Variants in TET2 observed in about 807,000 individuals in gnomAD.
The protein encoded by TET2 is tet methylcytosine dioxygenase 2.
Under a neutral mutation model 142.9 loss-of-function variants are expected in TET2, and 299 were observed. The observed-to-expected ratio is 2.09, with a 90% CI of 1.90 to 2.30. The LOEUF (loss-of-function observed/expected upper bound fraction) is 2.30, where lower values mean the gene tolerates loss of function less well. Among genes scored for constraint, TET2 ranks in the 30% most tolerant of loss-of-function variants. TET2 has a pLI of 0.00. For synonymous variants in TET2, 819 were observed against 849.0 expected, an observed-to-expected ratio of 0.96 and a Z score of 0.61; for missense variants, 2,418 against 2,378.0, an observed-to-expected ratio of 1.02 and a Z score of -0.35.
intron 1 of TET2, among the ~76,000 whole-genome samples, chr4:105,186,457 CT>C (rs1224155076): frequency 6.8e-6 from 1 of 146,110 alleles, no homozygotes; most frequent in East Asian, 2.0e-4. Context: ...TATAAGCTGA[CT>C]GTATTTTGCA....
At position 105,236,258 on chromosome 4, in the gene TET2, A is replaced by G; in HGVS notation, c.2316A>G (p.Glu772=). ...HPQSNNDQQR[E]GSFFGQTKVE... Reference sequence around the variant, plus strand: ...AAAGCAACAATGATCAGCAAAGAGAAGGATCATTCTTTGGCCAGACTAAAG... The same window carrying G: ...AAAGCAACAATGATCAGCAAAGAGAGGGATCATTCTTTGGCCAGACTAAAG... The change falls in exon 3 of 11, where the codon GAA becomes GAG. Residue 772 remains glutamate, a synonymous_variant. Coordinates refer to ENST00000380013, the MANE Select transcript of TET2 (RefSeq NM_001127208.3). 1.2e-6 allele frequency: 2 copies of G among 1,614,148 alleles called. No homozygotes were observed. Among genetic ancestry groups the G allele is most frequent in the Non-Finnish European group, 1.7e-6 (2 of 1,180,026 alleles).
In TET2 at chr4:105,222,164, G is replaced by A. The variant is rs551943999; in HGVS notation, c.-46-11733G>A. The stretch of plus-strand genomic sequence containing the variant: ...AGTCTTTGCTATTGTGAATAGTGCC[G>A]CAATAAACATACGTGTGCATGTGTC... On this transcript the variant is annotated intron_variant, in intron 2 of 10. Transcript: ENST00000380013. Among the ~76,000 whole-genome samples, 497 of 152,012 alleles carry A rather than the reference G, an allele frequency of 3.3e-3. 2 individuals are homozygous for A. Among genetic ancestry groups the A allele is most frequent in the African/African-American group, 0.011 (454 of 41,414 alleles).
chr4:105,246,402 A>G (rs1465075788), intron 6 of TET2, among the ~76,000 whole-genome samples: 1 of 152,270 alleles, frequency 6.6e-6, no homozygotes, highest in Non-Finnish European at 1.5e-5. Flanking sequence ...ATACAAAACT[A>G]TTAAAAGACA....
At chr4:105,160,533 A>G (rs1456814862) in intron 1 of TET2, among the ~76,000 whole-genome samples, 3 of 152,214 alleles carry the variant, frequency 2.0e-5, no homozygotes, top group Non-Finnish European at 1.5e-5. Flanking sequence ...TTCTTGCCTA[A>G]CAAAGAATTG....
rs923235400 is a variant in TET2, at chr4:105,273,187, CTCT to C, written c.4537+271_4537+273del. Among the ~76,000 whole-genome samples, 15 of 152,250 alleles carry C rather than the reference CTCT, an allele frequency of 9.9e-5. No homozygotes were observed. The East Asian group carries it at 1.9e-3, about 20-fold the overall frequency. On this transcript the variant is annotated intron_variant, in intron 10 of 10. Coordinates refer to ENST00000380013, the MANE Select transcript of TET2 (RefSeq NM_001127208.3). ...CACTCCCCCACCATGTGTCCATGTGCTCTTATTGTAAAATGAACATTGTTAATT... is the reference window on the plus strand; with the variant it reads ...CACTCCCCCACCATGTGTCCATGTGCTATTGTAAAATGAACATTGTTAATT...
chr4:105,240,317 G>T, intron 3 of TET2: 3 of 1,055,802 alleles, frequency 2.8e-6, no homozygotes, highest in Non-Finnish European at 3.5e-6. Flanking sequence ...AACGAGGTAT[G>T]CCTGTATTTT....
intron 2 of TET2, among the ~76,000 whole-genome samples, chr4:105,219,067 A>C (rs1202483560): frequency 6.6e-6 from 1 of 152,040 alleles, no homozygotes; most frequent in Non-Finnish European, 1.5e-5. Flanking sequence ...TTCTTCTGAT[A>C]GACTGGTTAT....
intron 8 of TET2, among the ~76,000 whole-genome samples, chr4:105,267,817 A>G (rs986450933): frequency 4.6e-5 from 7 of 152,044 alleles, no homozygotes; most frequent in African/African-American, 9.7e-5. Flanking sequence ...AATTAAAAAG[A>G]TATTTTTAAC....
chr4:105,248,224 A>G (rs1337407359), intron 6 of TET2, among the ~76,000 whole-genome samples: 1 of 152,162 alleles, frequency 6.6e-6, no homozygotes, highest in Non-Finnish European at 1.5e-5. Flanking sequence ...AACTTTCACC[A>G]GATAGTTTCA....
intron 1 of TET2, among the ~76,000 whole-genome samples, chr4:105,160,815 C>T (rs1055173445): frequency 6.6e-6 from 1 of 152,236 alleles, no homozygotes. Flanking sequence ...CTCCCTCTGT[C>T]GCCCAGGCTG....
chr4:105,192,110 G>A (rs1725826232), intron 2 of TET2, among the ~76,000 whole-genome samples: 1 of 151,868 alleles, frequency 6.6e-6, no homozygotes, highest in South Asian at 2.1e-4. Context: ...CCTTAATGAA[G>A]TCATAACATT....
At chr4:105,161,244 AT>A (rs372450595) in intron 1 of TET2, among the ~76,000 whole-genome samples, 1 of 152,158 alleles carries the variant, frequency 6.6e-6, no homozygotes, top group Non-Finnish European at 1.5e-5. Context: ...AAGGATAGAT[AT>A]TTTTTCATTC....
chr4:105,236,588 C>A lies in TET2; in HGVS notation c.2646C>A (p.Cys882Ter), dbSNP rs1728933295. Residue 882 changes from cysteine (C) to a stop codon, truncating the protein, a stop_gained, in exon 3 of 11, where the codon TGC becomes TGA. Coordinates refer to ENST00000380013, the MANE Select transcript of TET2 (RefSeq NM_001127208.3). LOFTEE classifies it high-confidence loss of function. ...CAAAGCAAGATCTTCTTCACAGGTG[C>A]TTTCAAGAACAGGAGCAGAAGTCAC... ...VIPKQDLLHR[C>*]FQEQEQKSQQ... The A allele has an allele frequency of 1.2e-6, 2 of 1,614,102 alleles. No individual in the cohort carries two copies. Among genetic ancestry groups the A allele is most frequent in the Non-Finnish European group, 1.7e-6 (2 of 1,180,002 alleles).
At chr4:105,270,671 ATGT>A (rs1730908537) in intron 9 of TET2, among the ~76,000 whole-genome samples, 2 of 55,784 alleles carry the variant, frequency 3.6e-5, no homozygotes, top group African/African-American at 2.8e-4. Context: ...AAATAGATAC[ATGT>A]TATATATATA....
rs1728705145 is a variant in TET2 at position 105,234,435 on chromosome 4, A to G, written c.493A>G (p.Ser165Gly). ...AQENAVKDFT[S>G]FSTHNCSGPE... ...AGAAAATGCAGTTAAAGATTTCACC[A>G]GTTTTTCAACACATAACTGCAGTGG... Residue 165 changes from serine (S) to glycine (G), a missense_variant, in exon 3 of 11, where the codon AGT (serine) becomes GGT (glycine). By Grantham distance (56) the Ser-to-Gly change is moderately conservative (BLOSUM62 0). Coordinates refer to ENST00000380013, the MANE Select transcript of TET2 (RefSeq NM_001127208.3). The G allele has an allele frequency of 1.9e-6, 3 of 1,614,020 alleles. No homozygotes were observed. Among genetic ancestry groups the G allele is most frequent in the Non-Finnish European group, 2.5e-6 (3 of 1,179,994 alleles).
At chr4:105,146,432 T>A (rs570401313), upstream of TET2, 3 of 152,402 alleles carry the variant, frequency 2.0e-5, no homozygotes, top group African/African-American at 7.2e-5. Context: ...TGGCCCCTAC[T>A]CCGCGCTGGT....
intron 6 of TET2, among the ~76,000 whole-genome samples, chr4:105,250,901 C>T (rs1729841109): frequency 6.6e-6 from 1 of 151,810 alleles, no homozygotes; most frequent in Non-Finnish European, 1.5e-5. Flanking sequence ...AGGCTGGTCT[C>T]AAACACCTGG....
At chr4:105,222,285 G>T (rs187366807) in intron 2 of TET2, among the ~76,000 whole-genome samples, 10,381 of 152,186 alleles carry the variant, frequency 0.068, 442 homozygotes, top group Non-Finnish European at 0.1. Context: ...CTGAGGAATC[G>T]CCACACTGAC....
chr4:105,241,244 C>T, intron 3 of TET2, 95 bp from the exon 4 acceptor site: 3 of 1,403,354 alleles, frequency 2.1e-6, no homozygotes, highest in Non-Finnish European at 2.8e-6. Context: ...CTTTTAGAGC[C>T]CTTAATGTGT....
Sources: allele counts gnomAD v4.1 joint callset (sites outside exome capture counted in the v4.1 genomes callset), GRCh38; gene constraint gnomAD v4.1.1; transcripts MANE v1.5; gene names NCBI Gene and HGNC (gene_info 2026-07-23, HGNC 2026-07-21).